The following ERC2 variants were observed in gnomAD, a reference collection of about 807,000 sequenced individuals.
ERC2 encodes the protein ELKS/RAB6-interacting/CAST family member 2, also known as ERC protein 2.
A neutral mutation model predicts 114.8 loss-of-function variants in ERC2; 42 were observed. That is an observed-to-expected ratio of 0.37 (90% CI 0.29 to 0.47). The LOEUF (loss-of-function observed/expected upper bound fraction) is 0.47, where lower values mean the gene tolerates loss of function less well. ERC2 is among the 20% of genes least tolerant of loss of function. The pLI is 0.99. For missense variants in ERC2, 939 were observed against 1,150.7 expected (o/e 0.82, Z 2.66); for synonymous variants, 454 against 425.5 (o/e 1.07, Z -0.82).
chr3:55,812,441 C>A (rs4260395), intron 14 of ERC2, among the ~76,000 whole-genome samples: 30,454 of 152,116 alleles, frequency 0.2, 3,245 homozygotes, highest in Middle Eastern at 0.29. Flanking sequence ...TAATCCATCA[C>A]GCAAATACTT....
At chr3:55,941,330 T>G (rs2066776400) in intron 13 of ERC2, among the ~76,000 whole-genome samples, 2 of 152,122 alleles carry the variant, frequency 1.3e-5, no homozygotes. Context: ...CAAGACAGTC[T>G]CCAAGTGCCA....
At chr3:56,206,119 T>C (rs556103368) in intron 3 of ERC2, among the ~76,000 whole-genome samples, 1 of 152,198 alleles carries the variant, frequency 6.6e-6, no homozygotes, top group South Asian at 2.1e-4. Flanking sequence ...ACTTCTGTTT[T>C]ACAAATGAGA....
intron 3 of ERC2, among the ~76,000 whole-genome samples, chr3:56,294,441 G>T (rs56988974): frequency 0.061 from 9,233 of 152,234 alleles, 667 homozygotes; most frequent in African/African-American, 0.17. Context: ...CTCACTAAAT[G>T]GCTGTTACCA....
At chr3:56,111,009 G>A (rs1242802720) in intron 6 of ERC2, among the ~76,000 whole-genome samples, 2 of 151,928 alleles carry the variant, frequency 1.3e-5, no homozygotes, top group African/African-American at 4.8e-5. Context: ...AAGGGGGTGG[G>A]GGTAGGGCCA....
At chr3:56,200,511 CT>C (rs987774765) in intron 3 of ERC2, among the ~76,000 whole-genome samples, 7 of 152,292 alleles carry the variant, frequency 4.6e-5, no homozygotes, top group Admixed American at 1.3e-4. Flanking sequence ...CTCCAAGTGG[CT>C]GTTGTCCAAA....
intron 14 of ERC2, among the ~76,000 whole-genome samples, chr3:55,831,043 A>G (rs1268574441): frequency 6.6e-6 from 1 of 151,452 alleles, no homozygotes; most frequent in African/African-American, 2.4e-5. Flanking sequence ...GCAGTGGTTC[A>G]CACTTGTAAT....
At position 56,073,309 on chromosome 3, in the gene ERC2, C is replaced by T. The variant is rs555713238; in HGVS notation, c.1641+7508G>A. Among the ~76,000 whole-genome samples, 18 of 152,286 alleles carry T rather than the reference C, an allele frequency of 1.2e-4. No individual in the cohort carries two copies. In the South Asian group the frequency reaches 3.7e-3, roughly 32 times the overall value. Reference sequence around the variant, plus strand: ...AAAGGACTCCTGTAGACCAGGGCTTCTCTGGATGATTATTTATTGGGGGGC... The same window carrying T: ...AAAGGACTCCTGTAGACCAGGGCTTTTCTGGATGATTATTTATTGGGGGGC... On this transcript the variant is annotated intron_variant, in intron 7 of 17. Transcript: ENST00000288221.
At chr3:56,328,073 AG>A (rs1396201566) in intron 2 of ERC2, among the ~76,000 whole-genome samples, 1 of 152,168 alleles carries the variant, frequency 6.6e-6, no homozygotes, top group African/African-American at 2.4e-5. Context: ...ATGACAAGAA[AG>A]GCATGTGCAG....
chr3:55,547,206 G>A (rs1259500368), intron 17 of ERC2, among the ~76,000 whole-genome samples: 5 of 152,214 alleles, frequency 3.3e-5, no homozygotes, highest in South Asian at 4.1e-4. Flanking sequence ...GGCTGTCCTC[G>A]ACTTGCCCCA....
intron 17 of ERC2, among the ~76,000 whole-genome samples, chr3:55,666,800 C>G (rs1437430073): frequency 6.6e-6 from 1 of 152,108 alleles, no homozygotes; most frequent in Non-Finnish European, 1.5e-5. Flanking sequence ...TCTCCAGAGG[C>G]AAACTGCCCA....
chr3:56,118,482 T>C (rs2079376292), intron 6 of ERC2, among the ~76,000 whole-genome samples: 1 of 152,054 alleles, frequency 6.6e-6, no homozygotes, highest in African/African-American at 2.4e-5. Flanking sequence ...AGAAAGAAGA[T>C]AATATTAAGA....
intron 17 of ERC2, among the ~76,000 whole-genome samples, chr3:55,553,761 C>A (rs1195390133): frequency 6.6e-6 from 1 of 151,828 alleles, no homozygotes; most frequent in Admixed American, 6.6e-5. Context: ...GCCTGGGTGA[C>A]AGAGTGAGAC....
At chr3:56,451,458 G>C (rs2062825042) in intron 1 of ERC2, among the ~76,000 whole-genome samples, 1 of 152,068 alleles carries the variant, frequency 6.6e-6, no homozygotes, top group Admixed American at 6.6e-5. Flanking sequence ...ATGTATTCTG[G>C]AAAGAAGAGA....
At chr3:56,245,069 C>T (rs984712181) in intron 3 of ERC2, among the ~76,000 whole-genome samples, 1 of 151,682 alleles carries the variant, frequency 6.6e-6, no homozygotes, top group African/African-American at 2.4e-5. Context: ...GTAGACTATA[C>T]CACATAGGTT....
At chr3:55,862,505 G>A (rs1020676155) in intron 14 of ERC2, among the ~76,000 whole-genome samples, 1 of 152,116 alleles carries the variant, frequency 6.6e-6, no homozygotes, top group Non-Finnish European at 1.5e-5. Context: ...GATAAACTAG[G>A]ATGGCCTAGT....
chr3:56,420,177 C>CTTTTTT (rs34883402), intron 2 of ERC2, among the ~76,000 whole-genome samples: 14 of 72,286 alleles, frequency 1.9e-4, no homozygotes, highest in Admixed American at 4.5e-4. Flanking sequence ...AGTGGTTATA[C>CTTTTTT]TTTTTTTTTT....
intron 17 of ERC2, among the ~76,000 whole-genome samples, chr3:55,540,754 T>C (rs1447469485): frequency 6.6e-6 from 1 of 152,206 alleles, no homozygotes; most frequent in Non-Finnish European, 1.5e-5. Flanking sequence ...AAAATTCTCT[T>C]ATCTGGGAAA....
intron 7 of ERC2, among the ~76,000 whole-genome samples, chr3:56,072,563 A>G (rs1248282026): frequency 6.6e-6 from 1 of 152,202 alleles, no homozygotes; most frequent in Non-Finnish European, 1.5e-5. Flanking sequence ...ATTTTTAGGC[A>G]CTGTATTAGT....
intron 2 of ERC2, among the ~76,000 whole-genome samples, chr3:56,347,124 A>G (rs1184344671): frequency 6.6e-6 from 1 of 152,208 alleles, no homozygotes; most frequent in Non-Finnish European, 1.5e-5. Flanking sequence ...GTTAGACAAG[A>G]TGAAAACCTG....
Sources: allele counts gnomAD v4.1 joint callset (sites outside exome capture counted in the v4.1 genomes callset), GRCh38; gene constraint gnomAD v4.1.1; transcripts MANE v1.5; gene names NCBI Gene and HGNC (gene_info 2026-07-23, HGNC 2026-07-21).